Variants in DIS3L2 observed in about 807,000 individuals in gnomAD.
The protein encoded by DIS3L2 is DIS3 like 3'-5' exoribonuclease 2.
In DIS3L2, 34 loss-of-function variants were observed where a neutral mutation model predicts 97.5. The observed-to-expected ratio is 0.35, with a 90% CI of 0.27 to 0.46. DIS3L2 has a LOEUF of 0.46. DIS3L2 is among the 20% of genes least tolerant of loss of function. The pLI is 1.00. For missense variants in DIS3L2, 1,038 were observed against 1,146.0 expected, an observed-to-expected ratio of 0.91 and a Z score of 1.36; for synonymous variants, 435 against 445.2, an observed-to-expected ratio of 0.98 and a Z score of 0.29.
At chr2:232,252,492 G>A (rs1353291029) in intron 12 of DIS3L2, among the ~76,000 whole-genome samples, 1 of 152,216 alleles carries the variant, frequency 6.6e-6, no homozygotes, top group Non-Finnish European at 1.5e-5. Context: ...GTTAGAATCA[G>A]TTGTTTTGGT....
chr2:232,226,821 T>C (rs3116216), intron 10 of DIS3L2, among the ~76,000 whole-genome samples: 14,824 of 152,080 alleles, frequency 0.097, 826 homozygotes, highest in Middle Eastern at 0.17. Flanking sequence ...ATTAAAAAAT[T>C]AGCTGAGCAT....
chr2:232,051,760 C>T (rs1279589731), intron 5 of DIS3L2, among the ~76,000 whole-genome samples: 4 of 134,798 alleles, frequency 3.0e-5, no homozygotes, highest in African/African-American at 8.2e-5. Flanking sequence ...TGCAGTGAGC[C>T]GAGATCCCAC....
chr2:232,027,834 G>A (rs1193146619), intron 4 of DIS3L2, among the ~76,000 whole-genome samples: 2 of 152,144 alleles, frequency 1.3e-5, no homozygotes, highest in African/African-American at 4.8e-5. Flanking sequence ...AATACAGAAT[G>A]TGAGTAAAAT....
intron 5 of DIS3L2, among the ~76,000 whole-genome samples, chr2:232,048,986 A>G (rs1695325504): frequency 6.6e-6 from 1 of 152,174 alleles, no homozygotes; most frequent in Non-Finnish European, 1.5e-5. Context: ...TTCATAGTAT[A>G]TATAGACACA....
intron 7 of DIS3L2, among the ~76,000 whole-genome samples, chr2:232,132,181 T>G (rs541224036): frequency 6.6e-6 from 1 of 152,262 alleles, no homozygotes; most frequent in Admixed American, 6.5e-5. Context: ...CCTATCTCCC[T>G]TTCTTTTGGA....
chr2:232,075,489 C>G (rs776438263), intron 5 of DIS3L2, among the ~76,000 whole-genome samples: 4 of 152,176 alleles, frequency 2.6e-5, no homozygotes, highest in Non-Finnish European at 5.9e-5. Context: ...TCCTCAGGTT[C>G]TCTTTTCAGT....
chr2:232,175,738 A>G (rs930424507), intron 9 of DIS3L2, among the ~76,000 whole-genome samples: 1 of 151,894 alleles, frequency 6.6e-6, no homozygotes, highest in African/African-American at 2.4e-5. Context: ...CCCACTCTAG[A>G]ACTCATCAGT....
At chr2:232,333,504 G>T (rs977063310) in intron 16 of DIS3L2, among the ~76,000 whole-genome samples, 1 of 152,190 alleles carries the variant, frequency 6.6e-6, no homozygotes. Context: ...CATCCTGGGG[G>T]TTCCTGGCTC....
intron 1 of DIS3L2, among the ~76,000 whole-genome samples, chr2:231,968,776 G>A (rs913377527): frequency 6.6e-6 from 1 of 152,204 alleles, no homozygotes; most frequent in African/African-American, 2.4e-5. Flanking sequence ...TAACCTTTAA[G>A]AAAACTGTCA....
intron 1 of DIS3L2, among the ~76,000 whole-genome samples, chr2:231,968,164 C>T (rs576935811): frequency 4.6e-4 from 68 of 148,752 alleles, no homozygotes; most frequent in East Asian, 1.2e-3. Context: ...GTGGCATGAT[C>T]TTGGCTCACT....
At chr2:232,299,910 G>A in intron 13 of DIS3L2, 130 bp from the exon 14 acceptor site, 1 of 839,584 alleles carries the variant, frequency 1.2e-6, no homozygotes, top group East Asian at 2.9e-5. Flanking sequence ...GAGTGGGCAG[G>A]CCCAGGTTCT....
intron 10 of DIS3L2, among the ~76,000 whole-genome samples, chr2:232,228,233 T>C (rs1692698912): frequency 6.6e-6 from 1 of 152,230 alleles, no homozygotes; most frequent in Non-Finnish European, 1.5e-5. Context: ...CCCAAACTGC[T>C]GGGATTATAG....
At chr2:232,191,044 T>G (rs1235286915) in intron 9 of DIS3L2, among the ~76,000 whole-genome samples, 12 of 151,958 alleles carry the variant, frequency 7.9e-5, no homozygotes, top group Admixed American at 1.3e-4. Flanking sequence ...ATCTCAAGAG[T>G]CATGTCAGTG....
intron 9 of DIS3L2, among the ~76,000 whole-genome samples, chr2:232,197,704 C>T (rs1028017097): frequency 6.6e-6 from 1 of 152,076 alleles, no homozygotes; most frequent in African/African-American, 2.4e-5. Flanking sequence ...CGCGGTGGCT[C>T]AAGCCTGTAA....
intron 10 of DIS3L2, among the ~76,000 whole-genome samples, chr2:232,228,937 T>C (rs1245935391): frequency 6.6e-6 from 1 of 152,242 alleles, no homozygotes; most frequent in Non-Finnish European, 1.5e-5. Flanking sequence ...TTTATCCTTA[T>C]TGCTTTTCCT....
chr2:232,038,133 A>G (rs77315257), intron 5 of DIS3L2, among the ~76,000 whole-genome samples: 1 of 152,160 alleles, frequency 6.6e-6, no homozygotes, highest in Non-Finnish European at 1.5e-5. Flanking sequence ...GGCTGGCTTC[A>G]TGTTTTAGGT....
intron 10 of DIS3L2, among the ~76,000 whole-genome samples, chr2:232,216,846 C>CTCCCT (rs1452452095): frequency 6.7e-6 from 1 of 150,318 alleles, no homozygotes; most frequent in South Asian, 2.2e-4. Context: ...CTCCCCTCCC[C>CTCCCT]TCCCCTCCCC....
chr2:232,029,294 A>G (rs759884032), intron 4 of DIS3L2, among the ~76,000 whole-genome samples: 2 of 152,210 alleles, frequency 1.3e-5, no homozygotes, highest in Non-Finnish European at 2.9e-5. Flanking sequence ...TTTTCTCAGG[A>G]ACCCTGACTG....
intron 14 of DIS3L2, among the ~76,000 whole-genome samples, chr2:232,311,791 A>G (rs941959570): frequency 2.0e-5 from 3 of 152,350 alleles, no homozygotes; most frequent in East Asian, 1.9e-4. Flanking sequence ...TGTTGCATCT[A>G]TAGTCCATTC....
Sources: allele counts gnomAD v4.1 joint callset (sites outside exome capture counted in the v4.1 genomes callset), GRCh38; gene constraint gnomAD v4.1.1; transcripts MANE v1.5; gene names NCBI Gene and HGNC (gene_info 2026-07-23, HGNC 2026-07-21).